Variants in RAI1 observed in about 807,000 individuals in gnomAD.
RAI1 encodes retinoic acid-induced protein 1.
In RAI1, 9 loss-of-function variants were observed where a neutral mutation model predicts 123.8. The observed-to-expected ratio is 0.07, with a 90% confidence interval of 0.04 to 0.13. RAI1 has a LOEUF of 0.13. Ranked by LOEUF, RAI1 falls within the 10% of genes least tolerant of loss-of-function variation. The pLI, the probability that RAI1 is intolerant of heterozygous loss-of-function variation, is 1.00. For missense variants in RAI1, 2,256 were observed against 2,545.8 expected (o/e 0.89, Z 2.45); for synonymous variants, 1,231 against 1,127.3 (o/e 1.09, Z -1.84).
chr17:17,724,480 C>G (rs1181647512), intron 2 of RAI1, among the ~76,000 whole-genome samples: 1 of 148,844 alleles, frequency 6.7e-6, no homozygotes, highest in Non-Finnish European at 1.5e-5. Context: ...CCCCTTTCCT[C>G]CACAAAGCAT....
intron 3 of RAI1, chr17:17,802,036 C>G (rs992633181): frequency 2.1e-6 from 1 of 470,464 alleles, no homozygotes; most frequent in East Asian, 6.9e-5. Context: ...CCCCCCGCCC[C>G]CAGCACGGTG....
chr17:17,682,079 C>T (rs1914441135), intron 1 of RAI1, among the ~76,000 whole-genome samples: 1 of 129,060 alleles, frequency 7.7e-6, no homozygotes, highest in East Asian at 2.2e-4. Flanking sequence ...CGGGTGGGGG[C>T]ATGGGGGCGC....
intron 1 of RAI1, among the ~76,000 whole-genome samples, chr17:17,697,330 G>A (rs1201432601): frequency 6.6e-6 from 1 of 152,272 alleles, no homozygotes; most frequent in Non-Finnish European, 1.5e-5. Flanking sequence ...TCCTGGCCGA[G>A]GGGCAGCGGG....
intron 1 of RAI1, among the ~76,000 whole-genome samples, chr17:17,683,291 A>G (rs983500608): frequency 6.6e-6 from 1 of 151,980 alleles, no homozygotes; most frequent in Non-Finnish European, 1.5e-5. Flanking sequence ...TGGAGGCGCC[A>G]GCGTGATGGG....
At chr17:17,769,538 T>C (rs1181832621) in intron 2 of RAI1, among the ~76,000 whole-genome samples, 11 of 151,974 alleles carry the variant, frequency 7.2e-5, no homozygotes, top group Admixed American at 7.2e-4. Context: ...GACAAGCTTG[T>C]GAGGGGCCAC....
chr17:17,728,162 C>T (rs989870277), intron 2 of RAI1, among the ~76,000 whole-genome samples: 1 of 151,912 alleles, frequency 6.6e-6, no homozygotes, highest in Non-Finnish European at 1.5e-5. Flanking sequence ...TGTGTGTGCG[C>T]GTGCATGCAT....
At position 17,714,008 on chromosome 17, in the gene RAI1, C is replaced by CT. The variant is rs1915640990; in HGVS notation, c.-148-10019dup. 1.3e-5 allele frequency among the ~76,000 whole-genome samples: 2 copies of CT among 152,150 alleles called. No individual in the cohort carries two copies. The highest frequency in any genetic ancestry group is 4.1e-4 in the South Asian group (2 of 4,828). ...GACCAGAGATCCCAGCGGCCCTCCC[C>CT]TGGAGAGTGTCCCAGCCGCCCACGA... On this transcript the variant is annotated intron_variant, in intron 1 of 5. Transcript: ENST00000353383. The surrounding 1 kb of genome is among the most constrained non-coding windows in gnomAD (Gnocchi z 4.9).
intron 1 of RAI1, among the ~76,000 whole-genome samples, chr17:17,692,384 G>C (rs1362207627): frequency 6.6e-6 from 1 of 152,238 alleles, no homozygotes; most frequent in Non-Finnish European, 1.5e-5. Flanking sequence ...ATGGAGAAAA[G>C]CCAGCATTGA....
chr17:17,735,681 G>A (rs1916411885), intron 2 of RAI1, among the ~76,000 whole-genome samples: 1 of 152,202 alleles, frequency 6.6e-6, no homozygotes, highest in South Asian at 2.1e-4. Context: ...CTCTCATTCA[G>A]AAGTGATTTA....
intron 4 of RAI1, among the ~76,000 whole-genome samples, chr17:17,804,402 G>A (rs2032557050): frequency 6.6e-6 from 1 of 152,184 alleles, no homozygotes. Context: ...TCTCACTCAT[G>A]TATTCATTTG....
rs1916664199 is a variant in RAI1 at position 17,742,302 on chromosome 17, G to GGCTC, written c.-17+18144_-17+18147dup. On this transcript the variant is annotated intron_variant, in intron 2 of 5. Coordinates refer to ENST00000353383, the MANE Select transcript of RAI1 (RefSeq NM_030665.4). ...GCTCACCACAGACAGGGCTGGCAGA[G>GGCTC]GCTCCCAAGACTCACAATAGACACT... Among the ~76,000 whole-genome samples the GGCTC allele has an allele frequency of 9.8e-5, 15 of 152,366 alleles. No individual in the cohort carries two copies. The South Asian group carries it at 3.1e-3, about 32-fold the overall frequency.
chr17:17,694,250 T>A (rs563257122), intron 1 of RAI1, among the ~76,000 whole-genome samples: 2 of 152,112 alleles, frequency 1.3e-5, no homozygotes, highest in South Asian at 4.1e-4. Flanking sequence ...AACGGATGCC[T>A]GGGGTGTAGG....
chr17:17,799,323 TAGTC>T lies in RAI1; in HGVS notation c.5565+814_5565+817del, dbSNP rs202104527. On this transcript the variant is annotated intron_variant, in intron 3 of 5. Coordinates refer to ENST00000353383, the MANE Select transcript of RAI1 (RefSeq NM_030665.4). This position sits in a 1 kb window ranked among gnomAD's most constrained non-coding sequence, Gnocchi z 4.5. ...CCCACCGAGCACAGCAGCCCTGTGA[TAGTC>T]AGTGCAGAGGGGCCTGGTGGCTCTG... Among the ~76,000 whole-genome samples the T allele has an allele frequency of 2.2e-4, 33 of 152,242 alleles. 1 individual carries two copies. The East Asian group carries it at 2.7e-3, about 12-fold the overall frequency.
At chr17:17,700,881 C>A (rs1915200733) in intron 1 of RAI1, among the ~76,000 whole-genome samples, 1 of 152,254 alleles carries the variant, frequency 6.6e-6, no homozygotes, top group Non-Finnish European at 1.5e-5. Flanking sequence ...GCTGCTGCCA[C>A]TGACCCAGTG....
intron 2 of RAI1, among the ~76,000 whole-genome samples, chr17:17,787,429 G>A (rs996514328): frequency 9.8e-5 from 15 of 152,300 alleles, no homozygotes; most frequent in Middle Eastern, 3.4e-3. Flanking sequence ...AGGTGGTGAC[G>A]CTTTTTGTTC....
intron 4 of RAI1, among the ~76,000 whole-genome samples, chr17:17,804,949 G>A (rs1484686433): frequency 2.0e-5 from 3 of 151,938 alleles, no homozygotes; most frequent in Admixed American, 6.6e-5. Flanking sequence ...TGCAACCTCC[G>A]CCTCCCGAGT....
At position 17,797,944 on chromosome 17, in the gene RAI1, C is replaced by G. The variant is rs150900749; in HGVS notation, c.4996C>G (p.Leu1666Val). 6.9e-5 allele frequency: 112 copies of G among 1,613,958 alleles called. No individual in the cohort carries two copies. The highest frequency in any genetic ancestry group is 8.2e-5 in the Non-Finnish European group (97 of 1,180,038). ...CCTGCAGCCGCGGCCCTCCTTGCCC[C>G]TCTCCTCCACGATGCACTTGGGGCC... Reference protein sequence around the residue: ...SILQPRPSLPLSSTMHLGPVV... With the variant: ...SILQPRPSLPVSSTMHLGPVV... The change falls in exon 3 of 6, where the codon CTC becomes GTC. Residue 1666 changes from leucine to valine, a missense_variant. By Grantham distance (32) the Leu-to-Val change is conservative (BLOSUM62 1). Around this residue, in one of 7 missense-constraint regions of RAI1, gnomAD observed 410 missense variants for 374.6 expected, o/e 1.09. Transcript: ENST00000353383.
chr17:17,799,497 C>G lies in RAI1; in HGVS notation c.5565+984C>G, dbSNP rs768678117. ...ATGCTTCTGCCCCCACATTCAACCC[C>G]GACTCCACTGCCTCATCCAGACTTC... On this transcript the variant is annotated intron_variant, in intron 3 of 5. Coordinates refer to ENST00000353383, the MANE Select transcript of RAI1 (RefSeq NM_030665.4). The surrounding 1 kb of genome is among the most constrained non-coding windows in gnomAD (Gnocchi z 4.5). 2.0e-5 allele frequency among the ~76,000 whole-genome samples: 3 copies of G among 152,150 alleles called. No individual in the cohort carries two copies. Among genetic ancestry groups the G allele is most frequent in the Non-Finnish European group, 4.4e-5 (3 of 68,020 alleles).
intron 2 of RAI1, among the ~76,000 whole-genome samples, chr17:17,783,928 T>C (rs2031723635): frequency 6.6e-6 from 1 of 152,180 alleles, no homozygotes; most frequent in Non-Finnish European, 1.5e-5. Flanking sequence ...GCTTTCACGT[T>C]GAGCAGAATA....
Sources: allele counts gnomAD v4.1 joint callset (sites outside exome capture counted in the v4.1 genomes callset), GRCh38; gene constraint gnomAD v4.1.1; regional missense constraint gnomAD v4.1.1; non-coding constraint Gnocchi (gnomAD v3.1); transcripts MANE v1.5; gene names NCBI Gene and HGNC (gene_info 2026-07-23, HGNC 2026-07-21).